DNER: variants seen among roughly 807,000 people sequenced by gnomAD.
DNER encodes delta and Notch-like epidermal growth factor-related receptor.
DNER carries 33 observed loss-of-function variants against 78.2 expected under a neutral mutation model. The observed-to-expected ratio is 0.42, with a 90% confidence interval of 0.32 to 0.56. DNER has a LOEUF of 0.56. Ranked by LOEUF, DNER falls within the 20% of genes least tolerant of loss-of-function variation. DNER has a pLI of 0.11. For missense variants in DNER, 918 were observed against 975.3 expected, an observed-to-expected ratio of 0.94 and a Z score of 0.78; for synonymous variants, 417 against 384.8, an observed-to-expected ratio of 1.08 and a Z score of -0.98.
In DNER at chr2:229,499,396, G is replaced by A. The variant is rs547179132; in HGVS notation, c.1147+13387C>T. The stretch of plus-strand genomic sequence containing the variant: ...GGAAGCAGAGGTCACAGTGAGCCAA[G>A]ATCATGCCACTGCACTCCAGCCTGA... On this transcript the variant is annotated intron_variant, in intron 6 of 12. Coordinates refer to ENST00000341772, the MANE Select transcript of DNER (RefSeq NM_139072.4). 4.3e-5 allele frequency among the ~76,000 whole-genome samples: 6 copies of A among 140,458 alleles called. No individual in the cohort carries two copies. In the Admixed American group the frequency reaches 4.6e-4, roughly 11 times the overall value. 92.1% of individuals were successfully genotyped at this position (140,458 alleles called of 152,430 possible).
intron 9 of DNER, among the ~76,000 whole-genome samples, chr2:229,408,350 C>T: frequency 6.6e-6 from 1 of 152,002 alleles, no homozygotes; most frequent in Non-Finnish European, 1.5e-5. Flanking sequence ...GGTGGGATAT[C>T]TGCTGATGTT....
intron 4 of DNER, chr2:229,580,435 G>A (rs1214162417): frequency 6.6e-6 from 1 of 152,110 alleles, no homozygotes; most frequent in Non-Finnish European, 1.5e-5. Context: ...TTATAAGTTA[G>A]ACATTTTAAT....
intron 4 of DNER, among the ~76,000 whole-genome samples, chr2:229,568,175 C>T (rs1336362082): frequency 1.3e-5 from 2 of 152,100 alleles, no homozygotes; most frequent in East Asian, 3.9e-4. Context: ...GTTTTTAAGC[C>T]GTGTTCCAAG....
At chr2:229,397,367 G>C (rs953995375) in intron 10 of DNER, among the ~76,000 whole-genome samples, 5 of 148,470 alleles carry the variant, frequency 3.4e-5, no homozygotes, top group Non-Finnish European at 7.4e-5. Flanking sequence ...AAACTCCCAC[G>C]AAAGCCTGTT....
chr2:229,529,568 C>T (rs187662255), intron 5 of DNER, among the ~76,000 whole-genome samples: 41 of 152,280 alleles, frequency 2.7e-4, no homozygotes, highest in African/African-American at 6.7e-4. Flanking sequence ...ATTTGGCTAA[C>T]GTGTATGATT....
chr2:229,548,460 G>A (rs1026156650), intron 4 of DNER, among the ~76,000 whole-genome samples: 10 of 152,174 alleles, frequency 6.6e-5, no homozygotes, highest in Non-Finnish European at 1.3e-4. Context: ...GATGAAGCTG[G>A]AAACCATCAT....
chr2:229,677,143 G>A (rs1699312709), intron 1 of DNER, among the ~76,000 whole-genome samples: 1 of 152,042 alleles, frequency 6.6e-6, no homozygotes, highest in Non-Finnish European at 1.5e-5. Flanking sequence ...CCTTGTCTTT[G>A]ACACATCAGC....
intron 4 of DNER, among the ~76,000 whole-genome samples, chr2:229,547,964 A>G (rs1408266847): frequency 6.6e-6 from 1 of 152,240 alleles, no homozygotes. Context: ...TTTTTCTAAT[A>G]TGAACATTCA....
chr2:229,384,921 T>C (rs904937350), intron 11 of DNER, among the ~76,000 whole-genome samples: 8 of 152,000 alleles, frequency 5.3e-5, no homozygotes, highest in Non-Finnish European at 7.4e-5. Context: ...GAGGCCAGCA[T>C]CATCCTGATA....
intron 9 of DNER, among the ~76,000 whole-genome samples, chr2:229,408,014 T>C (rs1341590620): frequency 6.6e-6 from 1 of 152,208 alleles, no homozygotes; most frequent in African/African-American, 2.4e-5. Context: ...CTGTGTTTGC[T>C]AAGTAGGCTG....
In DNER at chr2:229,418,236, G is replaced by A. The variant is rs748698594; in HGVS notation, c.1487-6C>T. ...ACAGTAGAGGCCATGGTAACCTGAG[G>A]GACAGAGAGAAAGGCCCACTGTCAA... On this transcript the variant is annotated splice_region_variant and splice_polypyrimidine_tract_variant and intron_variant, in intron 8 of 12. Coordinates refer to ENST00000341772, the MANE Select transcript of DNER (RefSeq NM_139072.4). 1.1e-5 allele frequency: 17 copies of A among 1,613,600 alleles called. No homozygotes were observed. Among genetic ancestry groups the A allele is most frequent in the Non-Finnish European group, 1.4e-5 (16 of 1,179,894 alleles).
chr2:229,647,027 C>T (rs1698730928), intron 1 of DNER, among the ~76,000 whole-genome samples: 1 of 152,156 alleles, frequency 6.6e-6, no homozygotes, highest in Non-Finnish European at 1.5e-5. Flanking sequence ...CTTAGCTGGG[C>T]ATGGTGGCAC....
At chr2:229,453,584 C>G (rs755431869) in intron 7 of DNER, among the ~76,000 whole-genome samples, 31 of 152,242 alleles carry the variant, frequency 2.0e-4, no homozygotes, top group Admixed American at 3.9e-4. Context: ...AACTGTAGCT[C>G]TTGTGAGCAC....
intron 6 of DNER, among the ~76,000 whole-genome samples, chr2:229,492,564 C>G (rs1695424193): frequency 6.6e-6 from 1 of 152,206 alleles, no homozygotes; most frequent in Non-Finnish European, 1.5e-5. Context: ...GCTTTGTGAC[C>G]TTGATCAAGT....
At chr2:229,689,978 A>G (rs1393410053) in intron 1 of DNER, among the ~76,000 whole-genome samples, 1 of 152,212 alleles carries the variant, frequency 6.6e-6, no homozygotes, top group Non-Finnish European at 1.5e-5. Context: ...TACATGCATC[A>G]ACCTTTGGCA....
At chr2:229,674,810 T>C (rs533205580) in intron 1 of DNER, among the ~76,000 whole-genome samples, 1 of 152,274 alleles carries the variant, frequency 6.6e-6, no homozygotes, top group South Asian at 2.1e-4. Flanking sequence ...TGGCCAAATA[T>C]TTCTCAGGAA....
At chr2:229,550,733 C>T (rs1301276823) in intron 4 of DNER, among the ~76,000 whole-genome samples, 2 of 152,082 alleles carry the variant, frequency 1.3e-5, no homozygotes, top group South Asian at 2.1e-4. Context: ...CGAGATTGCA[C>T]CACTGCGCTC....
intron 7 of DNER, among the ~76,000 whole-genome samples, chr2:229,454,908 G>A (rs1485502581): frequency 6.6e-6 from 1 of 151,008 alleles, no homozygotes; most frequent in East Asian, 1.9e-4. Flanking sequence ...ATGCTCTTCT[G>A]TTACAAAGAA....
At chr2:229,407,996 C>T (rs1255522728) in intron 9 of DNER, among the ~76,000 whole-genome samples, 1 of 152,176 alleles carries the variant, frequency 6.6e-6, no homozygotes, top group African/African-American at 2.4e-5. Flanking sequence ...GTAATCCCAT[C>T]CCAGAGTCTG....
Sources: gnomAD v4.1 joint callset for allele counts (sites outside exome capture counted in the v4.1 genomes callset) on GRCh38, gnomAD v4.1.1 for gene constraint, MANE v1.5 for transcripts, NCBI Gene and HGNC (gene_info 2026-07-23, HGNC 2026-07-21) for gene names.